Variants in PARVA observed in about 807,000 individuals in gnomAD.
PARVA encodes the protein alpha-parvin.
Under a neutral mutation model 52.6 loss-of-function variants are expected in PARVA, and 25 were observed. The observed-to-expected ratio is 0.48, with a 90% confidence interval of 0.35 to 0.66. PARVA has a LOEUF of 0.66. PARVA is among the 30% of genes least tolerant of loss of function. PARVA has a pLI of 0.01. For missense variants in PARVA, 373 were observed against 450.9 expected, an observed-to-expected ratio of 0.83 and a Z score of 1.56; for synonymous variants, 185 against 179.1, an observed-to-expected ratio of 1.03 and a Z score of -0.26.
At chr11:12,470,438 G>T (rs1386020321) in intron 1 of PARVA, among the ~76,000 whole-genome samples, 2 of 152,204 alleles carry the variant, frequency 1.3e-5, no homozygotes, top group Non-Finnish European at 2.9e-5. Flanking sequence ...CCATTTTGCA[G>T]GTGAGGAATC....
intron 1 of PARVA, among the ~76,000 whole-genome samples, chr11:12,380,002 A>C (rs765640748): frequency 1.3e-5 from 2 of 152,154 alleles, no homozygotes; most frequent in Non-Finnish European, 2.9e-5. Flanking sequence ...CTCTGTACCT[A>C]TCACTGTTGG....
intron 1 of PARVA, among the ~76,000 whole-genome samples, chr11:12,396,607 G>A (rs775111693): frequency 1.3e-5 from 2 of 152,148 alleles, no homozygotes; most frequent in Non-Finnish European, 2.9e-5. Flanking sequence ...TTTAAAACAG[G>A]GCCTGGCCCT....
chr11:12,422,034 T>C (rs1940158058), intron 1 of PARVA, among the ~76,000 whole-genome samples: 1 of 152,240 alleles, frequency 6.6e-6, no homozygotes, highest in Admixed American at 6.5e-5. Flanking sequence ...GAAAGGACTT[T>C]GATTCATAGT....
At chr11:12,480,463 T>C (rs957397961) in intron 4 of PARVA, 1 of 152,038 alleles carries the variant, frequency 6.6e-6, no homozygotes, top group Non-Finnish European at 1.5e-5. Context: ...CCAGCAGACA[T>C]CTAGTCAGGA....
chr11:12,498,436 G>C (rs1941325979), intron 5 of PARVA, among the ~76,000 whole-genome samples: 1 of 152,140 alleles, frequency 6.6e-6, no homozygotes, highest in South Asian at 2.1e-4. Flanking sequence ...GGGGAAATGT[G>C]TGCAAGAAAA....
rs934564676 is a variant in PARVA, at chr11:12,517,433, G to C, written c.868-177G>C. On this transcript the variant is annotated intron_variant, in intron 10 of 12. Coordinates refer to ENST00000334956, the MANE Select transcript of PARVA (RefSeq NM_018222.5). The stretch of plus-strand genomic sequence containing the variant: ...GCCTGGGCTTGTGGCTCCTGTGCCA[G>C]CCAGACGTGGGGCAGAGCAGACCTC... 7.9e-5 allele frequency among the ~76,000 whole-genome samples: 12 copies of C among 151,940 alleles called. 1 individual carries two copies. Among genetic ancestry groups the C allele is most frequent in the Non-Finnish European group, 1.6e-4 (11 of 68,006 alleles).
chr11:12,430,316 T>C (rs930532634), intron 1 of PARVA, among the ~76,000 whole-genome samples: 1 of 152,216 alleles, frequency 6.6e-6, no homozygotes, highest in Non-Finnish European at 1.5e-5. Flanking sequence ...ATTGCAACTT[T>C]GTATTTTAAA....
chr11:12,511,521 T>C lies in PARVA; in HGVS notation c.724T>C (p.Ser242Pro). ...TTTCTCTTTTTCCTCCAGGGCTCTT[T>C]CCGGGAGGCATGGTAAGTCACATAA... The part of the protein sequence containing the change: ...EEITGNTEAL[S>P]GRHERDAFDT... The change falls in exon 8 of 13, where the codon TCC becomes CCC. Residue 242 changes from serine (S) to proline (P), a missense_variant. Physicochemically the swap from Ser to Pro is moderately conservative, Grantham distance 74 (BLOSUM62 -1). Coordinates refer to ENST00000334956, the MANE Select transcript of PARVA (RefSeq NM_018222.5). 6.2e-7 allele frequency: 1 copy of C among 1,613,464 alleles called. No homozygotes were observed. Among genetic ancestry groups the C allele is most frequent in the Non-Finnish European group, 8.5e-7 (1 of 1,179,710 alleles).
intron 1 of PARVA, among the ~76,000 whole-genome samples, chr11:12,423,831 TG>T (rs983815677): frequency 6.6e-6 from 1 of 152,222 alleles, no homozygotes; most frequent in African/African-American, 2.4e-5. Context: ...GTCTTTGTCC[TG>T]GCTTTGATTC....
rs1250780724 is a variant in PARVA, at chr11:12,474,211, G to C, written c.297+228G>C. ...GTGAGTGGTGCTGGTCACAGCACCA[G>C]ACAGTTCAGTACAGGTAAGCTCACG... On this transcript the variant is annotated intron_variant, in intron 3 of 12. Transcript: ENST00000334956. Among the ~76,000 whole-genome samples, 3 of 152,150 alleles carry C rather than the reference G, an allele frequency of 2.0e-5. No individual in the cohort carries two copies. In the East Asian group the frequency reaches 5.8e-4, roughly 29 times the overall value.
At chr11:12,522,973 T>C (rs1225895563) in intron 12 of PARVA, among the ~76,000 whole-genome samples, 2 of 152,100 alleles carry the variant, frequency 1.3e-5, no homozygotes, top group Admixed American at 6.6e-5. Flanking sequence ...AGAGGGAATG[T>C]AGAAGGGGGA....
intron 1 of PARVA, among the ~76,000 whole-genome samples, chr11:12,393,856 C>T (rs890557692): frequency 1.3e-5 from 2 of 152,198 alleles, no homozygotes; most frequent in Non-Finnish European, 2.9e-5. Flanking sequence ...TCTTGAGTGG[C>T]ACGCTCCTCT....
Position 12,477,902 on chromosome 11 carries a change from A to G in PARVA, c.353A>G (p.Asp118Gly). 1 of 1,611,474 alleles carries G rather than the reference A, an allele frequency of 6.2e-7. No homozygotes were observed. Among genetic ancestry groups the G allele is most frequent in the South Asian group, 1.1e-5 (1 of 91,030 alleles). The change falls in exon 4 of 13, where the codon GAC becomes GGC. Residue 118 changes from aspartate to glycine, a missense_variant. By Grantham distance (94) the Asp-to-Gly change is moderately conservative (BLOSUM62 -1). Coordinates refer to ENST00000334956, the MANE Select transcript of PARVA (RefSeq NM_018222.5). Reference sequence around the variant, plus strand: ...GTTGGAGAAAGAATCATTGTGAAAGACCTAGCTGAAGATTTGTATGATGGA... The same window carrying G: ...GTTGGAGAAAGAATCATTGTGAAAGGCCTAGCTGAAGATTTGTATGATGGA... ...VLVGERIIVK[D>G]LAEDLYDGQV...
At position 12,380,441 on chromosome 11, in the gene PARVA, A is replaced by G. The variant is rs978093475; in HGVS notation, c.136+2658A>G. ...GAGGGATGCAGCTACTGTCCGAAAT[A>G]TGCAGACAGAGCAAGGAGAGAGTGG... On this transcript the variant is annotated intron_variant, in intron 1 of 12. Transcript: ENST00000334956. Among the ~76,000 whole-genome samples the G allele has an allele frequency of 1.5e-4, 23 of 150,970 alleles. 3 individuals carry two copies. Among genetic ancestry groups the G allele is most frequent in the African/African-American group, 5.7e-4 (23 of 40,568 alleles).
intron 1 of PARVA, among the ~76,000 whole-genome samples, chr11:12,415,754 A>G (rs540856517): frequency 1.3e-5 from 2 of 152,336 alleles, no homozygotes; most frequent in Non-Finnish European, 2.9e-5. Flanking sequence ...TCTGATATCA[A>G]AGGGATATCT....
chr11:12,384,998 G>GT, intron 1 of PARVA, among the ~76,000 whole-genome samples: 1 of 152,166 alleles, frequency 6.6e-6, no homozygotes, highest in Admixed American at 6.5e-5. Context: ...ATGGTGTTAA[G>GT]TGACTGAAGC....
chr11:12,409,444 T>C (rs1939961598), intron 1 of PARVA, among the ~76,000 whole-genome samples: 1 of 152,184 alleles, frequency 6.6e-6, no homozygotes, highest in Non-Finnish European at 1.5e-5. Flanking sequence ...GAGTTAAGGT[T>C]GCTAATCAGC....
At chr11:12,456,277 T>C (rs549067163) in intron 1 of PARVA, among the ~76,000 whole-genome samples, 1 of 152,366 alleles carries the variant, frequency 6.6e-6, no homozygotes, top group South Asian at 2.1e-4. Flanking sequence ...ATGTGCCATG[T>C]CATCTACGCT....
At chr11:12,378,339 G>A (rs1164804874) in intron 1 of PARVA, among the ~76,000 whole-genome samples, 1 of 152,306 alleles carries the variant, frequency 6.6e-6, no homozygotes. Flanking sequence ...CATCCCGAGG[G>A]CTGAGAAGGG....
Sources: allele counts gnomAD v4.1 joint callset (sites outside exome capture counted in the v4.1 genomes callset), GRCh38; gene constraint gnomAD v4.1.1; transcripts MANE v1.5; gene names NCBI Gene and HGNC (gene_info 2026-07-23, HGNC 2026-07-21).